Variants in LRP1B observed in about 807,000 individuals in gnomAD.
LRP1B encodes the protein LDL receptor related protein 1B.
Under a neutral mutation model 556.6 loss-of-function variants are expected in LRP1B, and 217 were observed. The observed-to-expected ratio is 0.39, with a 90% CI of 0.35 to 0.44. The LOEUF (loss-of-function observed/expected upper bound fraction) is 0.44. Ranked by LOEUF, LRP1B falls within the 20% of genes least tolerant of loss-of-function variation. LRP1B has a pLI of 1.00. For missense variants in LRP1B, 5,053 were observed against 5,620.8 expected (o/e 0.90, Z 3.23); for synonymous variants, 2,047 against 1,865.8 (o/e 1.10, Z -2.50).
intron 1 of LRP1B, among the ~76,000 whole-genome samples, chr2:142,085,978 A>G (rs2104940214): frequency 6.6e-6 from 1 of 152,292 alleles, no homozygotes; most frequent in East Asian, 1.9e-4. Context: ...CTTACTGTCT[A>G]TAGGGTTAAT....
intron 1 of LRP1B, among the ~76,000 whole-genome samples, chr2:142,018,690 A>G (rs920482855): frequency 5.9e-5 from 9 of 152,190 alleles, no homozygotes; most frequent in Non-Finnish European, 8.8e-5. Flanking sequence ...ATCCATCTCA[A>G]AAATGTGCCC....
intron 2 of LRP1B, among the ~76,000 whole-genome samples, chr2:141,673,049 C>A (rs1048913425): frequency 6.6e-6 from 1 of 152,114 alleles, no homozygotes; most frequent in Non-Finnish European, 1.5e-5. Flanking sequence ...GTTAAAGTTC[C>A]TTAAAACACA....
chr2:141,324,623 C>T (rs79290234), intron 3 of LRP1B, among the ~76,000 whole-genome samples: 1,562 of 152,128 alleles, frequency 0.01, 31 homozygotes, highest in African/African-American at 0.035. Flanking sequence ...AAAGGCTGTA[C>T]GTGTTTGATA....
At chr2:140,287,641 TA>T (rs34500444) in intron 84 of LRP1B, among the ~76,000 whole-genome samples, 82,267 of 135,290 alleles carry the variant, frequency 0.61, 25,255 homozygotes, top group Non-Finnish European at 0.71. Context: ...ATATTGCAAG[TA>T]AAAAAAAAAA....
chr2:141,921,719 T>A (rs561103377), intron 1 of LRP1B, among the ~76,000 whole-genome samples: 2 of 152,172 alleles, frequency 1.3e-5, no homozygotes, highest in South Asian at 4.1e-4. Context: ...AAATAATTTG[T>A]TTTACTTGAC....
rs372103185 is a variant in LRP1B at position 140,618,577 on chromosome 2, G to A, written c.6800-16938C>T. ...AGAAAATAATATCTCTTCATGCCAT[G>A]CCAGAACAAGTTAGAAAAACAAAAG... is the stretch of plus-strand genomic sequence containing the variant. On this transcript the variant is annotated intron_variant, in intron 41 of 90. Coordinates refer to ENST00000389484, the MANE Select transcript of LRP1B (RefSeq NM_018557.3). Among the ~76,000 whole-genome samples the A allele has an allele frequency of 1.8e-4, 28 of 152,200 alleles. No individual in the cohort carries two copies. In the East Asian group the frequency reaches 4.8e-3, roughly 26 times the overall value.
Position 140,941,013 on chromosome 2 carries a change from T to A in LRP1B, c.3136+9222A>T, listed in dbSNP as rs990918044. Among the ~76,000 whole-genome samples the A allele has an allele frequency of 2.6e-5, 4 of 152,304 alleles. 1 individual carries two copies. On this transcript the variant is annotated intron_variant, in intron 20 of 90. Coordinates refer to ENST00000389484, the MANE Select transcript of LRP1B (RefSeq NM_018557.3). ...GTGGTTTTGATTTGTATTTCTCTAA[T>A]GATCAGTGATGTCAACATTTTTTTC...
chr2:140,506,071 G>C (rs925211255), intron 53 of LRP1B, among the ~76,000 whole-genome samples: 5 of 151,222 alleles, frequency 3.3e-5, no homozygotes, highest in African/African-American at 1.2e-4. Context: ...AAACATAAAG[G>C]GTAGAAAAAT....
chr2:140,312,069 G>GA (rs144718968), intron 83 of LRP1B, among the ~76,000 whole-genome samples: 3,085 of 151,640 alleles, frequency 0.02, 37 homozygotes, highest in African/African-American at 0.028. Flanking sequence ...ACTTCCGGGG[G>GA]AAAAAAAATC....
chr2:141,487,366 T>C (rs1486884330), intron 2 of LRP1B, among the ~76,000 whole-genome samples: 1 of 152,148 alleles, frequency 6.6e-6, no homozygotes, highest in East Asian at 1.9e-4. Flanking sequence ...TGGCATACCA[T>C]TGTTGAAGGA....
intron 2 of LRP1B, among the ~76,000 whole-genome samples, chr2:141,745,071 G>A (rs866438710): frequency 3.0e-4 from 45 of 152,240 alleles, no homozygotes; most frequent in Middle Eastern, 3.4e-3. Flanking sequence ...TAAGCTGCCT[G>A]GAGCCAGGGA....
chr2:141,010,425 G>T (rs1175281907), intron 14 of LRP1B, among the ~76,000 whole-genome samples: 3 of 152,052 alleles, frequency 2.0e-5, no homozygotes, highest in East Asian at 1.9e-4. Context: ...AATTACTTAA[G>T]AATTCTTTCC....
At chr2:141,247,117 T>C in intron 5 of LRP1B, 109 bp downstream of exon 5, 1 of 1,238,458 alleles carries the variant, frequency 8.1e-7, no homozygotes, top group Non-Finnish European at 1.1e-6. Flanking sequence ...AAAGCAAATC[T>C]CTCTCTTCAA....
chr2:140,377,783 A>G (rs1049175356), intron 68 of LRP1B, among the ~76,000 whole-genome samples: 13 of 152,182 alleles, frequency 8.5e-5, no homozygotes, highest in African/African-American at 3.1e-4. Context: ...CTGTAAGACT[A>G]TATCTATTGA....
chr2:140,860,396 A>C (rs1692753926), intron 27 of LRP1B, among the ~76,000 whole-genome samples: 1 of 152,182 alleles, frequency 6.6e-6, no homozygotes, highest in Admixed American at 6.6e-5. Flanking sequence ...TTATTATCTA[A>C]AACAGTTTGT....
intron 3 of LRP1B, among the ~76,000 whole-genome samples, chr2:141,315,779 A>AT (rs912881860): frequency 6.2e-4 from 92 of 148,316 alleles, no homozygotes; most frequent in Non-Finnish European, 5.8e-4. Flanking sequence ...ACCTTTCAGA[A>AT]TTTTTTTTTG....
chr2:140,299,190 A>G (rs756049548), intron 83 of LRP1B, among the ~76,000 whole-genome samples: 14 of 152,106 alleles, frequency 9.2e-5, no homozygotes, highest in Non-Finnish European at 1.9e-4. Flanking sequence ...CTATCACTAT[A>G]GATTCTACAT....
intron 4 of LRP1B, among the ~76,000 whole-genome samples, chr2:141,251,185 T>C (rs389593): frequency 0.22 from 32,747 of 151,996 alleles, 3,621 homozygotes; most frequent in South Asian, 0.25. Flanking sequence ...ATAAAGAATA[T>C]AGAAGCTCTG....
chr2:140,304,545 G>C (rs1683981177), intron 83 of LRP1B, among the ~76,000 whole-genome samples: 2 of 152,102 alleles, frequency 1.3e-5, no homozygotes, highest in African/African-American at 4.8e-5. Flanking sequence ...TTTGTAGATT[G>C]TGGATTGTAG....
Sources: allele counts gnomAD v4.1 joint callset (sites outside exome capture counted in the v4.1 genomes callset), GRCh38; gene constraint gnomAD v4.1.1; transcripts MANE v1.5; gene names NCBI Gene and HGNC (gene_info 2026-07-23, HGNC 2026-07-21).